Variants in TBX4 observed in about 807,000 individuals in gnomAD.
TBX4 encodes T-box transcription factor TBX4.
A neutral mutation model predicts 54.6 loss-of-function variants in TBX4; 13 were observed. The observed-to-expected ratio is 0.24, with a 90% CI of 0.15 to 0.38. TBX4 has a LOEUF of 0.38. Among genes scored for constraint, TBX4 ranks in the 10% least tolerant of loss-of-function variants. The pLI, the probability that TBX4 is intolerant of heterozygous loss-of-function variation, is 1.00. For synonymous variants in TBX4, 314 were observed against 306.7 expected, an observed-to-expected ratio of 1.02 and a Z score of -0.25; for missense variants, 631 against 728.5, an observed-to-expected ratio of 0.87 and a Z score of 1.54.
rs2143870647 is a variant in TBX4 at position 61,483,034 on chromosome 17, G to A, written c.1159G>A (p.Val387Met). Residue 387 changes from valine to methionine, a missense_variant, in exon 9 of 9, where the codon GTG becomes ATG. Val to Met is a conservative substitution (Grantham distance 21, BLOSUM62 1). Around this residue, in one of 3 missense-constraint regions of TBX4, gnomAD observed 354 missense variants for 368.9 expected, o/e 0.96. Coordinates refer to ENST00000644296, the MANE Select transcript of TBX4 (RefSeq NM_001321120.2). This position sits in a 1 kb window ranked among gnomAD's most constrained non-coding sequence, Gnocchi z 6.6. ...GCTGAGCCCCTCCTACTGCAGTGAG[G>A]TGACCCCCAGAGAAGCATGTATGTA... ...QMLSPSYCSE[V>M]TPREACMYSG... 6.2e-7 allele frequency: 1 copy of A among 1,614,048 alleles called. No homozygotes were observed. Among genetic ancestry groups the A allele is most frequent in the South Asian group, 1.1e-5 (1 of 91,062 alleles).
rs1338402047 is a variant in TBX4, at chr17:61,456,633, C to T, written c.143C>T (p.Pro48Leu). The T allele has an allele frequency of 7.3e-6, 10 of 1,360,858 alleles. No homozygotes were observed. The East Asian group carries it at 1.9e-4, about 25-fold the overall frequency. 84.3% of individuals were successfully genotyped at this position (1,360,858 alleles called of 1,614,324 possible). The change falls in exon 2 of 9, where the codon CCG (proline) becomes CTG (leucine). Residue 48 changes from proline to leucine, a missense_variant. This residue lies in a region of TBX4 where 123 missense variants were observed against 120.9 expected (regional missense o/e 1.02). Transcript: ENST00000644296. ...GLSGAALGSP[P>L]GPGADVVAAA... is the part of the protein sequence containing the mutation. ...AGCGGAGCCGCGCTAGGCAGCCCCCCGGGACCCGGGGCCGACGTCGTCGCC... is the reference window on the plus strand; with the variant it reads ...AGCGGAGCCGCGCTAGGCAGCCCCCTGGGACCCGGGGCCGACGTCGTCGCC...
chr17:61,478,022 CA>C lies in TBX4; in HGVS notation c.550-598del, dbSNP rs924189944. Among the ~76,000 whole-genome samples the C allele has an allele frequency of 3.0e-4, 45 of 150,566 alleles. No individual in the cohort carries two copies. Among genetic ancestry groups the C allele is most frequent in the Admixed American group, 1.6e-3 (24 of 15,152 alleles). ...ATGCATGAACAAATGAGCAATGTGA[CA>C]AAAAAAGTTACAGTGGGACATTTTC... On this transcript the variant is annotated intron_variant, in intron 5 of 8. Transcript: ENST00000644296. This position sits in a 1 kb window ranked among gnomAD's most constrained non-coding sequence, Gnocchi z 7.4.
intron 1 of TBX4, chr17:61,452,965 G>A (rs1283254103): frequency 1.0e-6 from 1 of 985,324 alleles, no homozygotes; most frequent in Non-Finnish European, 1.2e-6. Flanking sequence ...CCCCGGTACT[G>A]GAGCGAAAAT....
Position 61,465,068 on chromosome 17 carries a change from C to G in TBX4, c.282-751C>G, listed in dbSNP as rs560074636. Reference sequence around the variant, plus strand: ...GCACAGAGAGGTTCAAGCAAGTTGCCTAAGGCTTATCAGTGGGGTCCAGGC... The same window carrying G: ...GCACAGAGAGGTTCAAGCAAGTTGCGTAAGGCTTATCAGTGGGGTCCAGGC... On this transcript the variant is annotated intron_variant, in intron 3 of 8. Coordinates refer to ENST00000644296, the MANE Select transcript of TBX4 (RefSeq NM_001321120.2). This position sits in a 1 kb window ranked among gnomAD's most constrained non-coding sequence, Gnocchi z 4.9. Among the ~76,000 whole-genome samples, 3 of 152,210 alleles carry G rather than the reference C, an allele frequency of 2.0e-5. No homozygotes were observed. In the South Asian group the frequency reaches 6.2e-4, roughly 32 times the overall value.
intron 5 of TBX4, among the ~76,000 whole-genome samples, chr17:61,471,164 T>A (rs1330378452): frequency 1.3e-5 from 2 of 152,184 alleles, no homozygotes; most frequent in African/African-American, 4.8e-5. Flanking sequence ...CCACTGGGCT[T>A]CATAACTGGC....
In TBX4 at chr17:61,460,656, T is replaced by TC. The variant is rs1490411994; in HGVS notation, c.281+3029dup. ...CAGACAGCAGATCCCTCTCTTGGCCTCCCCACATCCCTGCCAAGCTTGATA... is the reference window on the plus strand; with the variant it reads ...CAGACAGCAGATCCCTCTCTTGGCCTCCCCCACATCCCTGCCAAGCTTGATA... On this transcript the variant is annotated intron_variant, in intron 3 of 8. Transcript: ENST00000644296. This position sits in a 1 kb window ranked among gnomAD's most constrained non-coding sequence, Gnocchi z 4.4. Among the ~76,000 whole-genome samples, 4 of 151,968 alleles carry TC rather than the reference T, an allele frequency of 2.6e-5. No homozygotes were observed.
rs75549032 is a variant in TBX4 at position 61,461,523 on chromosome 17, T to C, written c.281+3892T>C. 3.6e-3 allele frequency among the ~76,000 whole-genome samples: 551 copies of C among 152,264 alleles called. 2 individuals carry two copies. Among genetic ancestry groups the C allele is most frequent in the Non-Finnish European group, 6.5e-3 (440 of 68,018 alleles). ...GGGGACCCCTGCCATTTCACTGCTGTAGGGTTCTTTTCAGACTCTGAGCTC... is the reference window on the plus strand; with the variant it reads ...GGGGACCCCTGCCATTTCACTGCTGCAGGGTTCTTTTCAGACTCTGAGCTC... On this transcript the variant is annotated intron_variant, in intron 3 of 8. Transcript: ENST00000644296. This position sits in a 1 kb window ranked among gnomAD's most constrained non-coding sequence, Gnocchi z 5.1.
rs35198276 is a variant in TBX4 at position 61,471,892 on chromosome 17, ATTTTTTTTTTTTTTT to A, written c.549+4252_549+4266del. 3.6e-3 allele frequency among the ~76,000 whole-genome samples: 266 copies of A among 72,962 alleles called. 2 individuals are homozygous for A. The highest frequency in any genetic ancestry group is 0.013 in the African/African-American group (253 of 19,320). 47.9% of individuals were successfully genotyped at this position (72,962 alleles called of 152,430 possible). A position where few individuals can be genotyped will look rare whatever the true frequency, so the allele number is the denominator to read the frequency against. On this transcript the variant is annotated intron_variant, in intron 5 of 8. Transcript: ENST00000644296. The stretch of plus-strand genomic sequence containing the variant: ...AGGTGCCTGCCACTATGCCCAGCTA[ATTTTTTTTTTTTTTT>A]TTTTTTTTTTTTTTTTAGTAGAGAC...
In TBX4 at chr17:61,479,851, C is replaced by T. The variant is rs767913320; in HGVS notation, c.703-30C>T. 3 of 1,605,516 alleles carry T rather than the reference C, an allele frequency of 1.9e-6. No homozygotes were observed. The South Asian group carries it at 3.3e-5, about 18-fold the overall frequency. The stretch of plus-strand genomic sequence containing the variant: ...CTGAGACACATTTGTGTGCCTCACA[C>T]TGGTGACCCTATGTGTTTTCTCCCC... On this transcript the variant is annotated intron_variant, in intron 6 of 8. Coordinates refer to ENST00000644296, the MANE Select transcript of TBX4 (RefSeq NM_001321120.2). This position sits in a 1 kb window ranked among gnomAD's most constrained non-coding sequence, Gnocchi z 6.1.
rs1365392838 is a variant in TBX4 at position 61,460,691 on chromosome 17, A to C, written c.281+3060A>C. On this transcript the variant is annotated intron_variant, in intron 3 of 8. Coordinates refer to ENST00000644296, the MANE Select transcript of TBX4 (RefSeq NM_001321120.2). The surrounding 1 kb of genome is among the most constrained non-coding windows in gnomAD (Gnocchi z 4.4). ...CCTGCCAAGCTTGATACATGTGAGA[A>C]ACTGCATTTTCTCCCAAACATAGAT... 6.6e-6 allele frequency among the ~76,000 whole-genome samples: 1 copy of C among 152,124 alleles called. No homozygotes were observed. The highest frequency in any genetic ancestry group is 1.5e-5 in the Non-Finnish European group (1 of 68,026).
Position 61,483,326 on chromosome 17 carries a change from G to C in TBX4, c.1451G>C (p.Arg484Pro). The change falls in exon 9 of 9, where the codon CGA (arginine) becomes CCA (proline). Residue 484 changes from arginine (R) to proline (P), a missense_variant. Transcript: ENST00000644296. This position sits in a 1 kb window ranked among gnomAD's most constrained non-coding sequence, Gnocchi z 6.6. ...VYNQLSQSQVRERGPSASFPR... is the reference protein window; with the variant it reads ...VYNQLSQSQVPERGPSASFPR... ...AATCAGCTCTCCCAGTCTCAGGTCC[G>C]AGAGCGGGGGCCCAGCGCCTCATTC... 6.2e-7 allele frequency: 1 copy of C among 1,610,576 alleles called. No homozygotes were observed. The highest frequency in any genetic ancestry group is 8.5e-7 in the Non-Finnish European group (1 of 1,177,122).
Position 61,462,561 on chromosome 17 carries a change from G to A in TBX4, c.282-3258G>A, listed in dbSNP as rs893342229. The stretch of plus-strand genomic sequence containing the variant: ...AGGGAGAGGGTGCAGGGAGGGGAGA[G>A]GGGGAGCGCGCAAGGAGGGGGCTGG... On this transcript the variant is annotated intron_variant, in intron 3 of 8. Transcript: ENST00000644296. This position sits in a 1 kb window ranked among gnomAD's most constrained non-coding sequence, Gnocchi z 4.5. Among the ~76,000 whole-genome samples the A allele has an allele frequency of 5.3e-5, 8 of 151,682 alleles. No individual in the cohort carries two copies. Among genetic ancestry groups the A allele is most frequent in the Admixed American group, 3.9e-4 (6 of 15,258 alleles).
chr17:61,459,922 ATCTACG>A lies in TBX4; in HGVS notation c.281+2293_281+2298del, dbSNP rs2060483085. 6.7e-6 allele frequency among the ~76,000 whole-genome samples: 1 copy of A among 149,760 alleles called. No homozygotes were observed. Among genetic ancestry groups the A allele is most frequent in the African/African-American group, 2.5e-5 (1 of 40,346 alleles). On this transcript the variant is annotated intron_variant, in intron 3 of 8. Transcript: ENST00000644296. The surrounding 1 kb of genome is among the most constrained non-coding windows in gnomAD (Gnocchi z 4.8). ...CTTCAGCAACCACTGTATTGCTCTG[ATCTACG>A]TTACTCAGGCTGTGGTTCTTCAACA...
chr17:61,482,850 C>T, intron 8 of TBX4, 47 bp from the exon 9 acceptor site: 1 of 1,605,974 alleles, frequency 6.2e-7, no homozygotes. Flanking sequence ...GCTCTGGGGC[C>T]TGGGCTGGTG....
chr17:61,478,466 C>G lies in TBX4; in HGVS notation c.550-161C>G. On this transcript the variant is annotated intron_variant, in intron 5 of 8. Transcript: ENST00000644296. The surrounding 1 kb of genome is among the most constrained non-coding windows in gnomAD (Gnocchi z 7.4). ...GTGGGGAGAGTTTGGGGCCCAGGGGCCTGGTTCTTCACTTGGGAGCTCCAG... is the reference window on the plus strand; with the variant it reads ...GTGGGGAGAGTTTGGGGCCCAGGGGGCTGGTTCTTCACTTGGGAGCTCCAG... The G allele has an allele frequency of 2.2e-6, 2 of 921,858 alleles. No individual in the cohort carries two copies. The highest frequency in any genetic ancestry group is 3.4e-6 in the Non-Finnish European group (2 of 595,776). 57.1% of individuals were successfully genotyped at this position (921,858 alleles called of 1,614,324 possible). A position where few individuals can be genotyped will look rare whatever the true frequency, so the allele number is the denominator to read the frequency against.
rs2060647766 is a variant in TBX4 at position 61,479,515 on chromosome 17, T to C, written c.703-366T>C. On this transcript the variant is annotated intron_variant, in intron 6 of 8. Transcript: ENST00000644296. The surrounding 1 kb of genome is among the most constrained non-coding windows in gnomAD (Gnocchi z 6.1). ...GCCCGGGATGCTCACTGGGAAGATG[T>C]TACAGGTCCCCAGGAGAGACCCATG... Among the ~76,000 whole-genome samples the C allele has an allele frequency of 6.6e-6, 1 of 152,098 alleles. No individual in the cohort carries two copies. The highest frequency in any genetic ancestry group is 1.5e-5 in the Non-Finnish European group (1 of 68,010).
chr17:61,452,799 C>G (rs941032166), intron 1 of TBX4: 1 of 601,162 alleles, frequency 1.7e-6, no homozygotes, highest in Non-Finnish European at 2.1e-6. Context: ...AGTTGGGGCA[C>G]GAGCCCTCCT....
chr17:61,456,199 C>G (rs2060447311), intron 1 of TBX4, among the ~76,000 whole-genome samples: 1 of 152,214 alleles, frequency 6.6e-6, no homozygotes, highest in Non-Finnish European at 1.5e-5. Context: ...TGTGGCAATG[C>G]CGAGAGGGCG....
intron 5 of TBX4, 73 bp downstream of exon 5, chr17:61,467,730 G>T: frequency 1.3e-6 from 2 of 1,586,272 alleles, no homozygotes; most frequent in South Asian, 1.1e-5. Flanking sequence ...GCCAGGATGG[G>T]GATAGGGAGA....
Sources: allele counts gnomAD v4.1 joint callset (sites outside exome capture counted in the v4.1 genomes callset), GRCh38; gene constraint gnomAD v4.1.1; regional missense constraint gnomAD v4.1.1; non-coding constraint Gnocchi (gnomAD v3.1); transcripts MANE v1.5; gene names NCBI Gene and HGNC (gene_info 2026-07-23, HGNC 2026-07-21).